The following TAFA4 variants were observed in gnomAD, a reference collection of about 807,000 sequenced individuals.
TAFA4 encodes TAFA chemokine like family member 4.
A neutral mutation model predicts 21.1 loss-of-function variants in TAFA4; 20 were observed. That is an observed-to-expected ratio of 0.95 (90% CI 0.67 to 1.38). TAFA4 has a LOEUF of 1.38. Among genes scored for constraint, TAFA4 ranks in the 40% most tolerant of loss-of-function variants. The pLI is 0.00. For synonymous variants in TAFA4, 71 were observed against 67.4 expected, an observed-to-expected ratio of 1.05 and a Z score of -0.26; for missense variants, 211 against 180.9, an observed-to-expected ratio of 1.17 and a Z score of -0.95.
intron 3 of TAFA4, among the ~76,000 whole-genome samples, chr3:68,795,438 G>A (rs962014508): frequency 1.2e-4 from 19 of 152,062 alleles, no homozygotes; most frequent in Admixed American, 6.6e-4. Flanking sequence ...GATGGCCAAC[G>A]CCTTGCATTT....
intron 3 of TAFA4, among the ~76,000 whole-genome samples, chr3:68,756,603 T>A (rs1238663905): frequency 6.6e-6 from 1 of 152,204 alleles, no homozygotes; most frequent in African/African-American, 2.4e-5. Flanking sequence ...ATCTTCAACG[T>A]CGATGGCAAG....
chr3:68,751,138 A>T (rs918768608), intron 4 of TAFA4, among the ~76,000 whole-genome samples: 1 of 152,230 alleles, frequency 6.6e-6, no homozygotes, highest in Non-Finnish European at 1.5e-5. Flanking sequence ...TGCAGAAATG[A>T]AAAGAAATGG....
chr3:68,906,410 T>C (rs1224745260), intron 1 of TAFA4, among the ~76,000 whole-genome samples: 4 of 152,228 alleles, frequency 2.6e-5, no homozygotes, highest in Non-Finnish European at 5.9e-5. Context: ...ACAGCTTTTA[T>C]TTAGCACTAA....
rs150389213 is a variant in TAFA4 at position 68,852,187 on chromosome 3, G to A, written c.130+28543C>T. On this transcript the variant is annotated intron_variant, in intron 3 of 5. Transcript: ENST00000295569. ...GGCCAATACAGAAAGAAGGAGATCT[G>A]TAGGACCAAAGTTTGGAGAGAGAGG... 1.3e-3 allele frequency among the ~76,000 whole-genome samples: 196 copies of A among 152,296 alleles called. 2 individuals carry two copies. The highest frequency in any genetic ancestry group is 4.6e-3 in the African/African-American group (193 of 41,562).
At chr3:68,743,164 GT>G (rs1222738260) in intron 4 of TAFA4, among the ~76,000 whole-genome samples, 2 of 152,156 alleles carry the variant, frequency 1.3e-5, no homozygotes, top group African/African-American at 4.8e-5. Context: ...GTAACCACTT[GT>G]TATTTAAATC....
chr3:68,864,404 C>T (rs2089390333), intron 3 of TAFA4, among the ~76,000 whole-genome samples: 2 of 152,110 alleles, frequency 1.3e-5, no homozygotes, highest in African/African-American at 4.8e-5. Context: ...GATATCACCA[C>T]ACACCTATTA....
At chr3:68,794,321 C>A (rs1703417279) in intron 3 of TAFA4, among the ~76,000 whole-genome samples, 1 of 152,088 alleles carries the variant, frequency 6.6e-6, no homozygotes, top group Non-Finnish European at 1.5e-5. Flanking sequence ...TGGCTGTTTT[C>A]ATTTCTCCTG....
chr3:68,874,388 C>T (rs1394648320), intron 3 of TAFA4, among the ~76,000 whole-genome samples: 1 of 151,996 alleles, frequency 6.6e-6, no homozygotes, highest in Non-Finnish European at 1.5e-5. Flanking sequence ...AAATACAAAA[C>T]GTCATTTTTC....
rs1329374513 is a variant in TAFA4, at chr3:68,841,336, A to AG, written c.130+39393_130+39394insC. On this transcript the variant is annotated intron_variant, in intron 3 of 5. Coordinates refer to ENST00000295569, the MANE Select transcript of TAFA4 (RefSeq NM_182522.5). ...AGACTCCGTCTCAAAAAAAAAAAAA[A>AG]TAAAAAAAAATAAAATCCACACACA... Among the ~76,000 whole-genome samples the AG allele has an allele frequency of 6.6e-5, 10 of 150,786 alleles. No homozygotes were observed. In the East Asian group the frequency reaches 1.9e-3, roughly 29 times the overall value.
chr3:68,901,819 C>T (rs980765978), intron 1 of TAFA4, among the ~76,000 whole-genome samples: 22 of 152,130 alleles, frequency 1.4e-4, no homozygotes, highest in Admixed American at 1.2e-3. Flanking sequence ...GCAGATCTTG[C>T]CAACCCAAGG....
At chr3:68,804,916 C>T (rs1479167053) in intron 3 of TAFA4, among the ~76,000 whole-genome samples, 4 of 152,182 alleles carry the variant, frequency 2.6e-5, no homozygotes, top group African/African-American at 9.7e-5. Context: ...GTCTAAACCA[C>T]CAAAAGCAAT....
chr3:68,874,674 G>A (rs2089525583), intron 3 of TAFA4, among the ~76,000 whole-genome samples: 1 of 152,108 alleles, frequency 6.6e-6, no homozygotes, highest in Non-Finnish European at 1.5e-5. Context: ...CTGCCCTAAA[G>A]ACTCAAAGAG....
rs566339860 is a variant in TAFA4 at position 68,857,693 on chromosome 3, G to T, written c.130+23037C>A. 3.9e-5 allele frequency among the ~76,000 whole-genome samples: 6 copies of T among 152,032 alleles called. No homozygotes were observed. In the South Asian group the frequency reaches 1.0e-3, roughly 26 times the overall value. On this transcript the variant is annotated intron_variant, in intron 3 of 5. Transcript: ENST00000295569. ...TGAAGACCACTCTGACATAGCACTG[G>T]CCATCACAAACATAATTTGTTCCAA...
At chr3:68,851,436 G>A (rs760797241) in intron 3 of TAFA4, among the ~76,000 whole-genome samples, 22 of 151,950 alleles carry the variant, frequency 1.4e-4, no homozygotes, top group Non-Finnish European at 2.8e-4. Context: ...GCAAACCACC[G>A]TGGCACACAT....
intron 3 of TAFA4, among the ~76,000 whole-genome samples, chr3:68,769,012 T>TA (rs1285821228): frequency 1.3e-5 from 2 of 152,126 alleles, no homozygotes; most frequent in Non-Finnish European, 2.9e-5. Context: ...TAAATTCTGG[T>TA]GTTCCATTGC....
At chr3:68,928,269 G>A (rs1034900018) in intron 1 of TAFA4, among the ~76,000 whole-genome samples, 2 of 152,106 alleles carry the variant, frequency 1.3e-5, no homozygotes, top group Non-Finnish European at 2.9e-5. Context: ...ACATCAACAC[G>A]CTACAGCTGG....
At chr3:68,891,238 G>A (rs1025613768) in intron 1 of TAFA4, among the ~76,000 whole-genome samples, 2 of 152,288 alleles carry the variant, frequency 1.3e-5, no homozygotes, top group East Asian at 3.9e-4. Context: ...TTTTGTCTGT[G>A]CATCCACTCA....
intron 3 of TAFA4, among the ~76,000 whole-genome samples, chr3:68,760,433 G>A (rs1702739217): frequency 6.6e-6 from 1 of 152,120 alleles, no homozygotes; most frequent in Non-Finnish European, 1.5e-5. Context: ...GACACAGAAA[G>A]CATCAGATTA....
At chr3:68,785,806 G>T (rs954052721) in intron 3 of TAFA4, among the ~76,000 whole-genome samples, 1 of 152,224 alleles carries the variant, frequency 6.6e-6, no homozygotes, top group African/African-American at 2.4e-5. Flanking sequence ...AGTGAGCGAG[G>T]GCTGTGAGGA....
Sources: gnomAD v4.1 joint callset for allele counts (sites outside exome capture counted in the v4.1 genomes callset) on GRCh38, gnomAD v4.1.1 for gene constraint, MANE v1.5 for transcripts, NCBI Gene and HGNC (gene_info 2026-07-23, HGNC 2026-07-21) for gene names.